The following IQCK variants were observed in gnomAD, a reference collection of about 807,000 sequenced individuals.
IQCK encodes IQ motif containing K.
Under a neutral mutation model 28.1 loss-of-function variants are expected in IQCK, and 29 were observed. That is an observed-to-expected ratio of 1.03 (90% CI 0.77 to 1.41). The LOEUF (loss-of-function observed/expected upper bound fraction) is 1.41. Among genes scored for constraint, IQCK ranks in the 40% most tolerant of loss-of-function variants. The pLI, the probability that IQCK is intolerant of heterozygous loss-of-function variation, is 0.00. For synonymous variants in IQCK, 113 were observed against 115.1 expected, an observed-to-expected ratio of 0.98 and a Z score of 0.12; for missense variants, 359 against 314.7, an observed-to-expected ratio of 1.14 and a Z score of -1.07.
intron 4 of IQCK, among the ~76,000 whole-genome samples, chr16:19,738,622 T>G (rs1355951645): frequency 6.6e-6 from 1 of 152,214 alleles, no homozygotes; most frequent in Non-Finnish European, 1.5e-5. Flanking sequence ...TAGCACCTGC[T>G]CATGGGATTA....
intron 7 of IQCK, among the ~76,000 whole-genome samples, chr16:19,799,198 G>A (rs944146883): frequency 1.7e-5 from 2 of 115,716 alleles, no homozygotes; most frequent in Admixed American, 1.5e-4. Flanking sequence ...TTGGGAATAT[G>A]TTTCATTATT....
intron 7 of IQCK, among the ~76,000 whole-genome samples, chr16:19,802,934 GACT>G (rs1343471513): frequency 1.3e-5 from 2 of 152,132 alleles, no homozygotes; most frequent in Admixed American, 1.3e-4. Flanking sequence ...AAACACATAC[GACT>G]TTTACGTAAG....
chr16:19,759,968 T>C (rs1210497982), intron 4 of IQCK, among the ~76,000 whole-genome samples: 7 of 151,122 alleles, frequency 4.6e-5, no homozygotes, highest in African/African-American at 1.7e-4. Flanking sequence ...CTACAGAAAG[T>C]TTTAAAAGTA....
intron 1 of IQCK, 69 bp downstream of exon 1, chr16:19,718,556 G>T: frequency 7.2e-7 from 1 of 1,389,254 alleles, no homozygotes. Context: ...TTTGGGGAGC[G>T]CCCACTGTGC....
chr16:19,797,627 A>AC lies in IQCK; in HGVS notation c.690+8705_690+8706insC, dbSNP rs1175880700. Among the ~76,000 whole-genome samples the AC allele has an allele frequency of 6.7e-4, 85 of 127,754 alleles. 13 individuals carry two copies. The highest frequency in any genetic ancestry group is 2.8e-3 in the African/African-American group (81 of 28,498). 83.8% of individuals were successfully genotyped at this position (127,754 alleles called of 152,430 possible). On this transcript the variant is annotated intron_variant, in intron 7 of 7. Coordinates refer to ENST00000564186, the Ensembl canonical transcript of IQCK. ...TTGAGGCCTTGCAAAAAAAAAAAAA[A>AC]AACAAAAAAACCAATAAAATAAAAT...
chr16:19,812,325 T>C (rs1466899313), intron 7 of IQCK, among the ~76,000 whole-genome samples: 1 of 152,152 alleles, frequency 6.6e-6, no homozygotes, highest in East Asian at 1.9e-4. Flanking sequence ...GTAATACATA[T>C]AGACAGATGG....
At chr16:19,817,381 G>A (rs1374184128) in intron 7 of IQCK, among the ~76,000 whole-genome samples, 3 of 152,160 alleles carry the variant, frequency 2.0e-5, no homozygotes, top group Admixed American at 1.3e-4. Context: ...ATGGGTGCGT[G>A]CTTTCCCCAG....
rs577794890 is a variant in IQCK at position 19,812,412 on chromosome 16, A to G, written c.691-14614A>G. On this transcript the variant is annotated intron_variant, in intron 7 of 7. Coordinates refer to ENST00000564186, the Ensembl canonical transcript of IQCK. ...CGGGTGTTTGTAAACTATAGCCCAC[A>G]GAGCAAATCTAGCCTACTGCCTGTT... Among the ~76,000 whole-genome samples, 4 of 152,368 alleles carry G rather than the reference A, an allele frequency of 2.6e-5. No individual in the cohort carries two copies. In the South Asian group the frequency reaches 8.3e-4, roughly 32 times the overall value.
At chr16:19,820,101 A>G (rs948704402) in intron 7 of IQCK, among the ~76,000 whole-genome samples, 5 of 152,176 alleles carry the variant, frequency 3.3e-5, no homozygotes, top group Non-Finnish European at 5.9e-5. Flanking sequence ...AAAATGGATC[A>G]AAGAGCTACA....
At chr16:19,828,338 A>G (rs565550018), downstream of IQCK, among the ~76,000 whole-genome samples, 29 of 148,996 alleles carry the variant, frequency 1.9e-4, no homozygotes, top group Non-Finnish European at 3.3e-4. Context: ...GAGTCAAGCA[A>G]TTCTCCTGCC....
chr16:19,858,190 GAA>G, exon 10 of IQCK: 1 of 287,678 alleles, frequency 3.5e-6, no homozygotes, highest in Non-Finnish European at 6.4e-6. Flanking sequence ...GTAGTCATTA[GAA>G]AAAGAACAGC....
intron 9 of IQCK, among the ~76,000 whole-genome samples, chr16:19,836,162 T>C (rs570019079): frequency 6.6e-6 from 1 of 152,346 alleles, no homozygotes; most frequent in East Asian, 1.9e-4. Flanking sequence ...AGAAGAAATA[T>C]ATCTGTAAAT....
At chr16:19,737,513 G>A (rs1348340526) in intron 4 of IQCK, among the ~76,000 whole-genome samples, 1 of 152,160 alleles carries the variant, frequency 6.6e-6, no homozygotes, top group Non-Finnish European at 1.5e-5. Flanking sequence ...CACCATGACA[G>A]TTGTGTCTTT....
At chr16:19,805,337 A>C (rs543399675) in intron 7 of IQCK, among the ~76,000 whole-genome samples, 10 of 152,236 alleles carry the variant, frequency 6.6e-5, no homozygotes, top group South Asian at 2.1e-4. Context: ...ATCCTTTGCA[A>C]TTTGGGGTCT....
At chr16:19,808,395 T>A (rs1174068065) in intron 7 of IQCK, among the ~76,000 whole-genome samples, 1 of 152,098 alleles carries the variant, frequency 6.6e-6, no homozygotes, top group Non-Finnish European at 1.5e-5. Flanking sequence ...TAAACCACAC[T>A]CCAGGTTTCA....
chr16:19,746,017 G>C (rs1007198943), intron 4 of IQCK, among the ~76,000 whole-genome samples: 4 of 152,086 alleles, frequency 2.6e-5, no homozygotes, highest in Non-Finnish European at 5.9e-5. Context: ...AAAATACTAA[G>C]AATTAGCTAG....
chr16:19,813,943 G>C (rs1026037622), intron 7 of IQCK, among the ~76,000 whole-genome samples: 9 of 152,146 alleles, frequency 5.9e-5, no homozygotes, highest in African/African-American at 2.2e-4. Flanking sequence ...TTAGGGCTGG[G>C]TGTGGTGGCT....
intron 6 of IQCK, among the ~76,000 whole-genome samples, chr16:19,784,927 G>A (rs1179688304): frequency 2.0e-5 from 3 of 152,002 alleles, no homozygotes; most frequent in Non-Finnish European, 2.9e-5. Flanking sequence ...CACCACCACG[G>A]CTGGCTAAAT....
At chr16:19,766,185 T>C (rs1461100086) in intron 6 of IQCK, 1 of 152,240 alleles carries the variant, frequency 6.6e-6, no homozygotes, top group Non-Finnish European at 1.5e-5. Flanking sequence ...GCAATGAATG[T>C]CTATCGAACA....
Sources: allele counts gnomAD v4.1 joint callset (sites outside exome capture counted in the v4.1 genomes callset), GRCh38; gene constraint gnomAD v4.1.1; transcripts MANE v1.5; gene names NCBI Gene and HGNC (gene_info 2026-07-23, HGNC 2026-07-21).